The following DAB1 variants were observed in gnomAD, a reference collection of about 807,000 sequenced individuals.
DAB1 encodes DAB adaptor protein 1, also known as disabled homolog 1.
A neutral mutation model predicts 64.6 loss-of-function variants in DAB1; 15 were observed. The observed-to-expected ratio is 0.23, with a 90% confidence interval of 0.16 to 0.36. The LOEUF (loss-of-function observed/expected upper bound fraction) is 0.36, where lower values mean the gene tolerates loss of function less well. DAB1 is among the 10% of genes least tolerant of loss of function. DAB1 has a pLI of 1.00. For synonymous variants in DAB1, 235 were observed against 251.9 expected (o/e 0.93, Z 0.64); for missense variants, 596 against 706.7 (o/e 0.84, Z 1.78).
intron 3 of DAB1, among the ~76,000 whole-genome samples, chr1:58,500,696 T>C (rs891050906): frequency 3.3e-5 from 5 of 152,120 alleles, no homozygotes; most frequent in African/African-American, 1.2e-4. Context: ...CCATAAACAA[T>C]GAGTAAGTTC....
At chr1:57,135,756 T>A (rs1321326749) in intron 4 of DAB1, among the ~76,000 whole-genome samples, 1 of 152,212 alleles carries the variant, frequency 6.6e-6, no homozygotes, top group African/African-American at 2.4e-5. Flanking sequence ...GCTGGTTAAG[T>A]ATTGTTTATA....
chr1:57,589,839 GA>G (rs1645422862), intron 7 of DAB1, among the ~76,000 whole-genome samples: 1 of 152,056 alleles, frequency 6.6e-6, no homozygotes, highest in Non-Finnish European at 1.5e-5. Flanking sequence ...TCAATAGGGG[GA>G]AAATAATGTA....
chr1:57,296,862 G>A (rs1673231748), intron 1 of DAB1, among the ~76,000 whole-genome samples: 1 of 152,172 alleles, frequency 6.6e-6, no homozygotes, highest in African/African-American at 2.4e-5. Flanking sequence ...ATCATCAACA[G>A]ATGCTAAGTC....
At chr1:57,334,651 A>G (rs1244200350) in intron 1 of DAB1, among the ~76,000 whole-genome samples, 2 of 152,218 alleles carry the variant, frequency 1.3e-5, no homozygotes, top group African/African-American at 4.8e-5. Flanking sequence ...ATAATTACAA[A>G]CATAAACAGC....
At chr1:57,767,408 T>C (rs575617833) in intron 6 of DAB1, among the ~76,000 whole-genome samples, 2 of 152,196 alleles carry the variant, frequency 1.3e-5, no homozygotes, top group Non-Finnish European at 2.9e-5. Flanking sequence ...GTATTTCTTA[T>C]GCTACACTGC....
At chr1:57,850,222 A>T (rs1653457005) in intron 1 of DAB1, among the ~76,000 whole-genome samples, 1 of 152,190 alleles carries the variant, frequency 6.6e-6, no homozygotes, top group Non-Finnish European at 1.5e-5. Flanking sequence ...TCAGATTTGC[A>T]CCTCAGCTCA....
intron 5 of DAB1, among the ~76,000 whole-genome samples, chr1:58,135,606 G>A (rs1195511140): frequency 1.3e-5 from 2 of 152,056 alleles, no homozygotes; most frequent in Non-Finnish European, 2.9e-5. Flanking sequence ...TATGTTGTGT[G>A]GTACTGAGGT....
chr1:57,266,606 T>C (rs929573154), intron 2 of DAB1, among the ~76,000 whole-genome samples: 1 of 152,246 alleles, frequency 6.6e-6, no homozygotes, highest in Non-Finnish European at 1.5e-5. Context: ...TTTTGTTATC[T>C]ATCCTCACAA....
intron 7 of DAB1, among the ~76,000 whole-genome samples, chr1:57,485,607 T>A (rs1043548693): frequency 6.6e-6 from 1 of 152,190 alleles, no homozygotes; most frequent in African/African-American, 2.4e-5. Flanking sequence ...TGAATTCAGA[T>A]CTTTGCTCCT....
intron 2 of DAB1, among the ~76,000 whole-genome samples, chr1:57,287,609 C>T (rs979230682): frequency 2.6e-5 from 4 of 152,114 alleles, no homozygotes; most frequent in Admixed American, 6.5e-5. Flanking sequence ...AAGAGCATAA[C>T]GACATGGTTA....
chr1:57,186,373 C>T (rs1663563603), intron 2 of DAB1, among the ~76,000 whole-genome samples: 1 of 152,148 alleles, frequency 6.6e-6, no homozygotes, highest in Non-Finnish European at 1.5e-5. Flanking sequence ...GTGAGGTGTG[C>T]TTATTTATTC....
chr1:57,243,669 A>G (rs1297349645), intron 2 of DAB1, among the ~76,000 whole-genome samples: 1 of 152,166 alleles, frequency 6.6e-6, no homozygotes, highest in Non-Finnish European at 1.5e-5. Flanking sequence ...ATGCACTGGA[A>G]GTTTATTCCT....
At chr1:58,228,261 C>T (rs973066753) in intron 4 of DAB1, among the ~76,000 whole-genome samples, 6 of 152,064 alleles carry the variant, frequency 3.9e-5, no homozygotes, top group Non-Finnish European at 7.4e-5. Context: ...TTTTTAAAAC[C>T]GAATGCTGAT....
At chr1:58,345,008 C>T (rs1643980522) in intron 3 of DAB1, among the ~76,000 whole-genome samples, 1 of 152,190 alleles carries the variant, frequency 6.6e-6, no homozygotes, top group Non-Finnish European at 1.5e-5. Flanking sequence ...TGCATTTGCT[C>T]ATCAATGAAG....
chr1:57,260,350 C>A (rs1670089341), intron 2 of DAB1, among the ~76,000 whole-genome samples: 2 of 152,136 alleles, frequency 1.3e-5, no homozygotes, highest in African/African-American at 4.8e-5. Context: ...GCTCATTGCT[C>A]ATATCATCTC....
intron 3 of DAB1, among the ~76,000 whole-genome samples, chr1:58,462,999 G>C (rs182579489): frequency 9.3e-4 from 141 of 152,310 alleles, no homozygotes; most frequent in African/African-American, 3.3e-3. Flanking sequence ...ATGATTGTAA[G>C]ACTCAAATGA....
At chr1:57,597,704 C>A (rs1486843330) in intron 7 of DAB1, among the ~76,000 whole-genome samples, 2 of 152,210 alleles carry the variant, frequency 1.3e-5, no homozygotes, top group African/African-American at 4.8e-5. Context: ...TCATTGGGTC[C>A]TCACAGCTAA....
chr1:57,664,611 C>T (rs948666761), intron 6 of DAB1, among the ~76,000 whole-genome samples: 1 of 151,958 alleles, frequency 6.6e-6, no homozygotes, highest in Non-Finnish European at 1.5e-5. Flanking sequence ...GGAACTTCAT[C>T]CTAAGGAAAT....
In DAB1 at chr1:57,105,749, T is replaced by C. The variant is rs1019650266; in HGVS notation, c.306+30794A>G. Among the ~76,000 whole-genome samples the C allele has an allele frequency of 6.6e-5, 10 of 152,230 alleles. 1 individual carries two copies. Among genetic ancestry groups the C allele is most frequent in the Non-Finnish European group, 1.5e-4 (10 of 68,044 alleles). ...TCCAGAACCCAGCATGATTTTGCTA[T>C]GCCACTTTGATTTTCCTTAACGTTT... On this transcript the variant is annotated intron_variant, in intron 4 of 14. Coordinates refer to ENST00000371236, the MANE Select transcript of DAB1 (RefSeq NM_001365792.1).
Sources: gnomAD v4.1 joint callset for allele counts (sites outside exome capture counted in the v4.1 genomes callset) on GRCh38, gnomAD v4.1.1 for gene constraint, MANE v1.5 for transcripts, NCBI Gene and HGNC (gene_info 2026-07-23, HGNC 2026-07-21) for gene names.